TLR10: variants seen among roughly 807,000 people sequenced by gnomAD.
TLR10 encodes toll like receptor 10.
For missense variants in TLR10, 929 were observed against 932.9 expected (o/e 1.00, Z 0.05); for synonymous variants, 288 against 338.8 (o/e 0.85, Z 1.65).
intron 1 of TLR10, among the ~76,000 whole-genome samples, chr4:38,778,449 T>TAAATAAATAAAC (rs1168790897): frequency 2.0e-5 from 3 of 151,806 alleles, no homozygotes; most frequent in South Asian, 4.2e-4. Flanking sequence ...AATAAATAAA[T>TAAATAAATAAAC]AAACAAACAA....
chr4:38,779,355 C>T (rs1725256192), intron 1 of TLR10, among the ~76,000 whole-genome samples: 1 of 152,176 alleles, frequency 6.6e-6, no homozygotes, highest in Admixed American at 6.5e-5. Flanking sequence ...AAAACACCAA[C>T]TTTTAAAAAC....
At chr4:38,782,608 G>A (rs1309228800) in intron 1 of TLR10, among the ~76,000 whole-genome samples, 1 of 152,124 alleles carries the variant, frequency 6.6e-6, no homozygotes, top group Non-Finnish European at 1.5e-5. Context: ...CATACGCTGT[G>A]GGGAAATAAG....
intron 1 of TLR10, among the ~76,000 whole-genome samples, chr4:38,778,762 T>C (rs1218891594): frequency 1.3e-5 from 2 of 152,002 alleles, no homozygotes; most frequent in Non-Finnish European, 2.9e-5. Context: ...GTCACTCCCA[T>C]AGACAAGCAG....
At position 38,774,516 on chromosome 4, in the gene TLR10, T is replaced by C; in HGVS notation, c.1075A>G (p.Ile359Val). 1 of 1,584,834 alleles carries C rather than the reference T, an allele frequency of 6.3e-7. No homozygotes were observed. The highest frequency in any genetic ancestry group is 8.6e-7 in the Non-Finnish European group (1 of 1,169,494). The change falls in exon 4 of 4, where the codon ATC (isoleucine) becomes GTC (valine). Residue 359 changes from isoleucine to valine, a missense_variant. Physicochemically the swap from Ile to Val is conservative, Grantham distance 29. Coordinates refer to ENST00000308973, the MANE Select transcript of TLR10 (RefSeq NM_030956.4). The stretch of plus-strand genomic sequence containing the variant: ...CTTTTAAACAACTCGTCTGTTAAGA[T>C]ATTATTGGCAAAATTTAAATATTGG... ...KFQYLNFANN[I>V]LTDELFKRTI...
In TLR10 at chr4:38,773,129, C is replaced by T. The variant is rs575090861; in HGVS notation, c.*26G>A. The T allele has an allele frequency of 4.7e-6, 7 of 1,499,324 alleles. No individual in the cohort carries two copies. Among genetic ancestry groups the T allele is most frequent in the South Asian group, 1.4e-5 (1 of 69,780 alleles). The allele number at this position is 1,499,324 out of a possible 1,614,324, so 92.9% of individuals were successfully genotyped here. A position where few individuals can be genotyped will look rare whatever the true frequency, so the allele number is the denominator to read the frequency against. The stretch of plus-strand genomic sequence containing the variant: ...GTACATCCCAACAGTGTATGTGGTC[C>T]CCAACTTCCCAAGGACTGTGGGATT... On this transcript the variant is annotated 3_prime_UTR_variant, in exon 4 of 4. Coordinates refer to ENST00000308973, the MANE Select transcript of TLR10 (RefSeq NM_030956.4).
At position 38,774,658 on chromosome 4, in the gene TLR10, C is replaced by T. The variant is rs777656462; in HGVS notation, c.933G>A (p.Val311=). 2 of 1,564,126 alleles carry T rather than the reference C, an allele frequency of 1.3e-6. No individual in the cohort carries two copies. The highest frequency in any genetic ancestry group is 4.1e-5 in the Admixed American group (2 of 48,816). The change falls in exon 4 of 4, where the codon GTG becomes GTA. Residue 311 remains valine (V), a synonymous_variant. Transcript: ENST00000308973. ...AGATTTTATCCTGTTGAATGTAAAA[C>T]ACTCTGAAATGTACATGCTCCAATT... is the stretch of plus-strand genomic sequence containing the variant. ...TIKLEHVHFR[V]FYIQQDKIYL...
chr4:38,773,913 T>A lies in TLR10; in HGVS notation c.1678A>T (p.Arg560Trp), dbSNP rs1166777187. The change falls in exon 4 of 4, where the codon AGG becomes TGG. Residue 560 changes from arginine to tryptophan, a missense_variant. Coordinates refer to ENST00000308973, the MANE Select transcript of TLR10 (RefSeq NM_030956.4). ...SYTCEYPLNLRGTRLKDVHLH... is the reference protein window; with the variant it reads ...SYTCEYPLNLWGTRLKDVHLH... Reference sequence around the variant, plus strand: ...TGAACGTCTTTTAACCTAGTTCCCCTTAGGTTTAAAGGGTATTCACAGGTG... The same window carrying A: ...TGAACGTCTTTTAACCTAGTTCCCCATAGGTTTAAAGGGTATTCACAGGTG... 1.3e-6 allele frequency: 2 copies of A among 1,591,344 alleles called. No individual in the cohort carries two copies. The highest frequency in any genetic ancestry group is 2.7e-5 in the African/African-American group (2 of 74,202).
At position 38,775,090 on chromosome 4, in the gene TLR10, T is replaced by C; in HGVS notation, c.501A>G (p.Leu167=). ...TTCTGAATCCTAAGAAGACAGTATT[T>C]AGATGCAGATGAGCAATTTTCTGGA... The part of the protein sequence containing the change: ...SDFQKIAHLH[L]NTVFLGFRTL... The change falls in exon 4 of 4, where the codon CTA becomes CTG. Residue 167 remains leucine (L), a synonymous_variant. Transcript: ENST00000308973. 1 of 1,613,064 alleles carries C rather than the reference T, an allele frequency of 6.2e-7. No individual in the cohort carries two copies. Among genetic ancestry groups the C allele is most frequent in the Non-Finnish European group, 8.5e-7 (1 of 1,180,000 alleles).
chr4:38,773,108 AT>A lies in TLR10; in HGVS notation c.*46del. 1 of 1,441,448 alleles carries A rather than the reference AT, an allele frequency of 6.9e-7. No individual in the cohort carries two copies. The highest frequency in any genetic ancestry group is 9.1e-7 in the Non-Finnish European group (1 of 1,097,854). 89.3% of individuals were successfully genotyped at this position (1,441,448 alleles called of 1,614,324 possible). ...CATCATAAAGGTTGTATCAATGTAC[AT>A]CCCAACAGTGTATGTGGTCCCCAAC... On this transcript the variant is annotated 3_prime_UTR_variant, in exon 4 of 4. Transcript: ENST00000308973.
intron 1 of TLR10, among the ~76,000 whole-genome samples, chr4:38,781,850 G>A (rs951622390): frequency 6.6e-6 from 1 of 152,156 alleles, no homozygotes; most frequent in African/African-American, 2.4e-5. Context: ...TGTCTGACAT[G>A]GAGCTAAGTG....
rs549973060 is a variant in TLR10 at position 38,782,689 on chromosome 4, G to T, written c.-569+232C>A. Among the ~76,000 whole-genome samples the T allele has an allele frequency of 2.0e-5, 3 of 152,230 alleles. No homozygotes were observed. In the East Asian group the frequency reaches 5.8e-4, roughly 29 times the overall value. The stretch of plus-strand genomic sequence containing the variant: ...TAGAAGAGCTGACCAGGTTTGATCC[G>T]CAATCAGTGAAAAGAAACCCACGCT... On this transcript the variant is annotated intron_variant, in intron 1 of 3. Coordinates refer to ENST00000308973, the MANE Select transcript of TLR10 (RefSeq NM_030956.4).
In TLR10 at chr4:38,774,515, A is replaced by G; in HGVS notation, c.1076T>C (p.Ile359Thr). The change falls in exon 4 of 4, where the codon ATC becomes ACC. Residue 359 changes from isoleucine (I) to threonine (T), a missense_variant. Coordinates refer to ENST00000308973, the MANE Select transcript of TLR10 (RefSeq NM_030956.4). ...KFQYLNFANN[I>T]LTDELFKRTI... ...TCTTTTAAACAACTCGTCTGTTAAG[A>G]TATTATTGGCAAAATTTAAATATTG... 2 of 1,585,220 alleles carry G rather than the reference A, an allele frequency of 1.3e-6. No individual in the cohort carries two copies. Among genetic ancestry groups the G allele is most frequent in the Non-Finnish European group, 1.7e-6 (2 of 1,169,640 alleles).
In TLR10 at chr4:38,773,063, A is replaced by T; in HGVS notation, c.*92T>A. On this transcript the variant is annotated 3_prime_UTR_variant, in exon 4 of 4. Transcript: ENST00000308973. ...GAAGGGAATAACCATTTTTTATTTT[A>T]ATAAATATTGTCAAATTGCCATCAT... is the stretch of plus-strand genomic sequence containing the variant. 1 of 1,229,634 alleles carries T rather than the reference A, an allele frequency of 8.1e-7. No homozygotes were observed. 76.2% of individuals were successfully genotyped at this position (1,229,634 alleles called of 1,614,324 possible). A position where few individuals can be genotyped will look rare whatever the true frequency, so the allele number is the denominator to read the frequency against.
At position 38,775,031 on chromosome 4, in the gene TLR10, A is replaced by G; in HGVS notation, c.560T>C (p.Ile187Thr). The G allele has an allele frequency of 6.2e-7, 1 of 1,612,638 alleles. No homozygotes were observed. The highest frequency in any genetic ancestry group is 8.5e-7 in the Non-Finnish European group (1 of 1,179,562). Residue 187 changes from isoleucine to threonine, a missense_variant, in exon 4 of 4, where the codon ATC becomes ACC. By Grantham distance (89) the Ile-to-Thr change is moderately conservative (BLOSUM62 -1). Coordinates refer to ENST00000308973, the MANE Select transcript of TLR10 (RefSeq NM_030956.4). ...LPHYEEGSLP[I>T]LNTTKLHIVL... is the part of the protein sequence containing the mutation. ...AATGTGCAGTTTTGTTGTGTTTAAG[A>G]TGGGCAGGCTACCTTCTTCATAATG...
Position 38,774,166 on chromosome 4 carries a change from A to G in TLR10, c.1425T>C (p.Phe475=). The G allele has an allele frequency of 6.2e-7, 1 of 1,610,624 alleles. No homozygotes were observed. The highest frequency in any genetic ancestry group is 8.5e-7 in the Non-Finnish European group (1 of 1,178,144). Residue 475 remains phenylalanine, a synonymous_variant, in exon 4 of 4, where the codon TTT becomes TTC. Transcript: ENST00000308973. ...LMALRELNIA[F]NFLTDLPGCS... ...ATCCAGGGAGATCAGTTAGAAAATT[A>G]AATGCAATATTTAGTTCTCGTAAGG...
At position 38,775,055 on chromosome 4, in the gene TLR10, T is replaced by G. The variant is rs1048654707; in HGVS notation, c.536A>C (p.His179Pro). ...TVFLGFRTLP[H>P]YEEGSLPILN... ...GATGGGCAGGCTACCTTCTTCATAA[T>G]GAGGAAGAGTTCTGAATCCTAAGAA... The change falls in exon 4 of 4, where the codon CAT becomes CCT. Residue 179 changes from histidine to proline, a missense_variant. Coordinates refer to ENST00000308973, the MANE Select transcript of TLR10 (RefSeq NM_030956.4). 1.2e-6 allele frequency: 2 copies of G among 1,612,168 alleles called. No homozygotes were observed. Among genetic ancestry groups the G allele is most frequent in the Non-Finnish European group, 1.7e-6 (2 of 1,179,690 alleles).
intron 1 of TLR10, among the ~76,000 whole-genome samples, chr4:38,779,950 T>C (rs563676205): frequency 6.6e-6 from 1 of 152,226 alleles, no homozygotes; most frequent in South Asian, 2.1e-4. Context: ...TTACTGCTTG[T>C]TGAATGCACA....
intron 1 of TLR10, among the ~76,000 whole-genome samples, chr4:38,776,863 GA>G (rs1725088520): frequency 6.6e-6 from 1 of 152,104 alleles, no homozygotes; most frequent in Non-Finnish European, 1.5e-5. Context: ...CATGCCTGGG[GA>G]GGCCTCACAA....
intron 1 of TLR10, among the ~76,000 whole-genome samples, chr4:38,781,365 C>T (rs943544061): frequency 1.3e-5 from 2 of 150,676 alleles, no homozygotes; most frequent in African/African-American, 2.4e-5. Context: ...GATGGAGTCT[C>T]GCTCTGTTGC....
Sources: allele counts gnomAD v4.1 joint callset (sites outside exome capture counted in the v4.1 genomes callset), GRCh38; gene constraint gnomAD v4.1.1; transcripts MANE v1.5; gene names NCBI Gene and HGNC (gene_info 2026-07-23, HGNC 2026-07-21).